The following TRPM2 variants were observed in gnomAD, a reference collection of about 807,000 sequenced individuals.
TRPM2 encodes the protein transient receptor potential cation channel subfamily M member 2.
A neutral mutation model predicts 174.0 loss-of-function variants in TRPM2; 161 were observed. The ratio of observed to expected loss-of-function variants is 0.93; its 90% CI spans 0.81 to 1.05. The LOEUF is 1.05. Ranked by LOEUF, TRPM2 falls within the 50% of genes least tolerant of loss-of-function variation. TRPM2 has a pLI of 0.00. For missense variants in TRPM2, 2,057 were observed against 2,038.0 expected, an observed-to-expected ratio of 1.01 and a Z score of -0.18; for synonymous variants, 954 against 861.3, an observed-to-expected ratio of 1.11 and a Z score of -1.88.
intron 11 of TRPM2, among the ~76,000 whole-genome samples, chr21:44,392,776 C>T (rs1417246138): frequency 1.3e-5 from 2 of 152,134 alleles, no homozygotes; most frequent in African/African-American, 2.4e-5. Context: ...AAAGGTTCTG[C>T]AGGGAGCGTG....
chr21:44,414,457 C>T (rs919526969), intron 20 of TRPM2: 9 of 215,324 alleles, frequency 4.2e-5, no homozygotes, highest in East Asian at 1.1e-4. Context: ...CTGCTCTACC[C>T]GGGGAGCGTG....
rs1260295007 is a variant in TRPM2, at chr21:44,397,730, G to T, written c.1933-17G>T. 6.4e-7 allele frequency: 1 copy of T among 1,553,440 alleles called. No individual in the cohort carries two copies. Among genetic ancestry groups the T allele is most frequent in the Middle Eastern group, 1.7e-4 (1 of 5,756 alleles). On this transcript the variant is annotated splice_polypyrimidine_tract_variant and intron_variant, in intron 12 of 31. Transcript: ENST00000397928. ...AGCCTGGCTCTTTAGTCTCACGGTGGCTCCTCTGGTCCCCAGAGCCAGGAC... is the reference window on the plus strand; with the variant it reads ...AGCCTGGCTCTTTAGTCTCACGGTGTCTCCTCTGGTCCCCAGAGCCAGGAC...
intron 5 of TRPM2, among the ~76,000 whole-genome samples, chr21:44,373,551 GCGACCTGCATTATATGCGACCTGCATTA>G (rs1569029715): frequency 3.9e-5 from 4 of 102,146 alleles, no homozygotes; most frequent in African/African-American, 1.3e-4. Flanking sequence ...TGCATTATAT[GCGACCTGCATTATATGCGACCTGCATTA>G]TATGCGACCT....
At chr21:44,433,321 T>C (rs1484168975) in intron 27 of TRPM2, among the ~76,000 whole-genome samples, 1 of 152,206 alleles carries the variant, frequency 6.6e-6, no homozygotes, top group Non-Finnish European at 1.5e-5. Flanking sequence ...TGTGAGCTTC[T>C]TGACCAATGC....
At chr21:44,441,051 G>A (rs1429106849) in intron 31 of TRPM2, 146 bp downstream of exon 31, 3 of 707,098 alleles carry the variant, frequency 4.2e-6, no homozygotes, top group Non-Finnish European at 7.4e-6. Context: ...GAGAGGGAAG[G>A]CGGGGACCGG....
At chr21:44,403,659 AC>A (rs1288804752) in intron 16 of TRPM2, among the ~76,000 whole-genome samples, 4 of 149,392 alleles carry the variant, frequency 2.7e-5, no homozygotes, top group African/African-American at 1.0e-4. Flanking sequence ...ACATGCACAC[AC>A]ATGCATACAC....
chr21:44,360,933 TCC>T (rs1328576428), intron 2 of TRPM2, among the ~76,000 whole-genome samples: 1 of 152,002 alleles, frequency 6.6e-6, no homozygotes, highest in Non-Finnish European at 1.5e-5. Context: ...ACTGTCCATC[TCC>T]ACCGAGCTCT....
Position 44,439,027 on chromosome 21 carries a change from C to G in TRPM2, c.4168-40C>G. 1 of 1,561,986 alleles carries G rather than the reference C, an allele frequency of 6.4e-7. No homozygotes were observed. The highest frequency in any genetic ancestry group is 1.1e-5 in the South Asian group (1 of 89,544). ...GCCAGGGCAGCCTGAGGTCCCGCTT[C>G]GGTGCCCTGTTGACCTGCCTCCGTC... On this transcript the variant is annotated intron_variant, in intron 29 of 31. Coordinates refer to ENST00000397928, the MANE Select transcript of TRPM2 (RefSeq NM_003307.4). This position sits in a 1 kb window ranked among gnomAD's most constrained non-coding sequence, Gnocchi z 5.1.
At chr21:44,428,737 C>A (rs913148908) in intron 27 of TRPM2, among the ~76,000 whole-genome samples, 1 of 114,740 alleles carries the variant, frequency 8.7e-6, no homozygotes, top group African/African-American at 2.9e-5. Context: ...GTGGCTCCTC[C>A]CCTTAGGTGT....
chr21:44,374,472 C>T (rs1178119489), intron 5 of TRPM2, among the ~76,000 whole-genome samples: 1 of 152,104 alleles, frequency 6.6e-6, no homozygotes, highest in African/African-American at 2.4e-5. Flanking sequence ...TCTATTATTA[C>T]ATTGTAATAT....
In TRPM2 at chr21:44,418,749, C is replaced by T. The variant is rs1785467; in HGVS notation, c.3461+194C>T. 0.89 allele frequency among the ~76,000 whole-genome samples: 135,701 copies of T among 152,146 alleles called. 60,591 individuals are homozygous for T. Among genetic ancestry groups the T allele is most frequent in the East Asian group, 0.94 (4,847 of 5,144 alleles). On this transcript the variant is annotated intron_variant, in intron 22 of 31. Transcript: ENST00000397928. ...CCCACAGCTGACCCAGGACCCTCTG[C>T]GGTCCTTAGGAAGGCTGGGCCCCAC...
intron 17 of TRPM2, among the ~76,000 whole-genome samples, chr21:44,405,628 G>GC (rs1356815809): frequency 6.6e-6 from 1 of 152,156 alleles, no homozygotes; most frequent in Admixed American, 6.6e-5. Context: ...CGAGGCCGCG[G>GC]CCCCCTTTCT....
At chr21:44,400,436 G>C (rs374330299) in intron 15 of TRPM2, 65 bp downstream of exon 15, 1 of 1,398,346 alleles carries the variant, frequency 7.2e-7, no homozygotes, top group East Asian at 2.3e-5. Flanking sequence ...GCTCCTGGGG[G>C]CTCAGGATCT....
Position 44,364,207 on chromosome 21 carries a change from G to A in TRPM2, c.348G>A (p.Lys116=), listed in dbSNP as rs45479791. The A allele has an allele frequency of 1.4e-3, 2,243 of 1,614,246 alleles. 23 individuals carry two copies. The African/African-American group carries it at 0.027, about 20-fold the overall frequency. The change falls in exon 3 of 32, where the codon AAG becomes AAA. Residue 116 remains lysine (K), a synonymous_variant. Coordinates refer to ENST00000397928, the MANE Select transcript of TRPM2 (RefSeq NM_003307.4). ...HTFQGTQWDP[K]KHVQEMPTDA... is the part of the protein sequence containing the mutation. ...TCCAGGGCACACAGTGGGACCCAAAGAAACATGTCCAGGAGATGCCAACCG... is the reference window on the plus strand; with the variant it reads ...TCCAGGGCACACAGTGGGACCCAAAAAAACATGTCCAGGAGATGCCAACCG...
chr21:44,361,141 A>ATAT (rs1001150685), intron 2 of TRPM2, among the ~76,000 whole-genome samples: 9 of 152,046 alleles, frequency 5.9e-5, no homozygotes, highest in African/African-American at 1.2e-4. Context: ...GCTTGTGTCA[A>ATAT]TATTATTATT....
rs747322004 is a variant in TRPM2, at chr21:44,401,819, C to T, written c.2460C>T (p.Asp820=). The change falls in exon 16 of 32, where the codon GAC becomes GAT. Residue 820 remains aspartate, a synonymous_variant. Coordinates refer to ENST00000397928, the MANE Select transcript of TRPM2 (RefSeq NM_003307.4). ...LCLFAYVLMV[D]FQPVPSWCEC... ...TGTTCGCCTACGTGCTCATGGTGGACTTCCAGCCTGTGCCCTCCTGGTGCG... is the reference window on the plus strand; with the variant it reads ...TGTTCGCCTACGTGCTCATGGTGGATTTCCAGCCTGTGCCCTCCTGGTGCG... 2 of 1,613,938 alleles carry T rather than the reference C, an allele frequency of 1.2e-6. No homozygotes were observed. Among genetic ancestry groups the T allele is most frequent in the South Asian group, 2.2e-5 (2 of 91,084 alleles).
At chr21:44,386,732 A>G (rs866099674) in intron 9 of TRPM2, among the ~76,000 whole-genome samples, 3 of 148,306 alleles carry the variant, frequency 2.0e-5, no homozygotes, top group South Asian at 4.2e-4. Context: ...TTTTTTTTGC[A>G]GAAATAGAAA....
At chr21:44,351,207 C>G (rs889029349), upstream of TRPM2, among the ~76,000 whole-genome samples, 1 of 152,218 alleles carries the variant, frequency 6.6e-6, no homozygotes, top group African/African-American at 2.4e-5. Flanking sequence ...TGGTCCTGGG[C>G]TCGCGTGCCA....
rs2051395289 is a variant in TRPM2, at chr21:44,439,168, G to A, written c.4269G>A (p.Glu1423=). 3 of 1,612,644 alleles carry A rather than the reference G, an allele frequency of 1.9e-6. No individual in the cohort carries two copies. Among genetic ancestry groups the A allele is most frequent in the East Asian group, 4.5e-5 (2 of 44,858 alleles). The part of the protein sequence containing the change: ...SFENLLKCGM[E]VYKGYMDDPR... The stretch of plus-strand genomic sequence containing the variant: ...AAAACTTGCTGAAGTGCGGCATGGA[G>A]GTATTCCTGGCCTGTTTGCTCTGTT... The change falls in exon 30 of 32, where the codon GAG becomes GAA. Residue 1423 remains glutamate, a splice_region_variant and synonymous_variant. Coordinates refer to ENST00000397928, the MANE Select transcript of TRPM2 (RefSeq NM_003307.4). The surrounding 1 kb of genome is among the most constrained non-coding windows in gnomAD (Gnocchi z 5.1).
Sources: allele counts gnomAD v4.1 joint callset (sites outside exome capture counted in the v4.1 genomes callset), GRCh38; gene constraint gnomAD v4.1.1; non-coding constraint Gnocchi (gnomAD v3.1); transcripts MANE v1.5; gene names NCBI Gene and HGNC (gene_info 2026-07-23, HGNC 2026-07-21).